Variants in RBFOX1 observed in about 807,000 individuals in gnomAD.
The protein encoded by RBFOX1 is RNA binding protein fox-1 homolog 1.
In RBFOX1, 8 loss-of-function variants were observed where a neutral mutation model predicts 57.7. The observed-to-expected ratio is 0.14, with a 90% CI of 0.08 to 0.25. The LOEUF (loss-of-function observed/expected upper bound fraction) is 0.25. Ranked by LOEUF, RBFOX1 falls within the 10% of genes least tolerant of loss-of-function variation. RBFOX1 has a pLI of 1.00. For synonymous variants in RBFOX1, 326 were observed against 222.4 expected (o/e 1.47, Z -4.15); for missense variants, 611 against 548.5 (o/e 1.11, Z -1.14).
intron 4 of RBFOX1, among the ~76,000 whole-genome samples, chr16:7,228,987 G>C (rs1348134105): frequency 1.3e-5 from 2 of 152,126 alleles, no homozygotes; most frequent in African/African-American, 4.8e-5. Flanking sequence ...GGGAAGATGA[G>C]CTGGAAGGAT....
intron 1 of RBFOX1, among the ~76,000 whole-genome samples, chr16:6,028,091 C>A (rs1178236226): frequency 2.0e-5 from 3 of 152,152 alleles, no homozygotes; most frequent in Non-Finnish European, 4.4e-5. Flanking sequence ...GGACCAGCCC[C>A]CTGTCTTGAT....
rs531461944 is a variant in RBFOX1 at position 5,247,983 on chromosome 16, G to A, written c.219+7878G>A. On this transcript the variant is annotated intron_variant, in intron 1 of 2. Coordinates refer to the RBFOX1 transcript ENST00000585867. ...TGGGCACTGGGCTAGGGTGCTTTTC[G>A]ATTTTTGTATGGGGAAGAGAAAGGA... Among the ~76,000 whole-genome samples the A allele has an allele frequency of 5.3e-5, 8 of 152,244 alleles. No homozygotes were observed. The South Asian group carries it at 1.7e-3, about 32-fold the overall frequency.
intron 3 of RBFOX1, among the ~76,000 whole-genome samples, chr16:6,794,405 T>C (rs1309557182): frequency 2.0e-5 from 3 of 152,020 alleles, no homozygotes; most frequent in Non-Finnish European, 2.9e-5. Context: ...TGGGGTTTAA[T>C]TACCTGCTGC....
chr16:6,999,225 A>ATTTTTTTTTT lies in RBFOX1; in HGVS notation c.-15-52829_-15-52828insTTTTTTTTTT, dbSNP rs200620958. Among the ~76,000 whole-genome samples the ATTTTTTTTTT allele has an allele frequency of 1.3e-3, 164 of 122,934 alleles. 4 individuals carry two copies. Among genetic ancestry groups the ATTTTTTTTTT allele is most frequent in the South Asian group, 5.2e-3 (19 of 3,680 alleles). The allele number at this position is 122,934 out of a possible 152,430, so 80.6% of individuals were successfully genotyped here. A position where few individuals can be genotyped will look rare whatever the true frequency, so the allele number is the denominator to read the frequency against. ...TTTTTTATTTTTATTTATTTTTTTT[A>ATTTTTTTTTT]TTTATTTTTTTTTTTAGAGATCAGG... On this transcript the variant is annotated intron_variant, in intron 3 of 15. Coordinates refer to ENST00000550418, the MANE Select transcript of RBFOX1 (RefSeq NM_018723.4).
intron 4 of RBFOX1, among the ~76,000 whole-genome samples, chr16:7,224,560 C>A (rs1036311724): frequency 6.6e-6 from 1 of 152,082 alleles, no homozygotes; most frequent in Admixed American, 6.6e-5. Flanking sequence ...GAGGTTTGAG[C>A]ATCAGGATTT....
chr16:6,815,176 T>G lies in RBFOX1; in HGVS notation c.-16+160526T>G, dbSNP rs147713922. Reference sequence around the variant, plus strand: ...ACTGTCATGGCGCTGGTGAGAGTGCTGTTGAGCATGCAAGTGCTTTATAAT... The same window carrying G: ...ACTGTCATGGCGCTGGTGAGAGTGCGGTTGAGCATGCAAGTGCTTTATAAT... On this transcript the variant is annotated intron_variant, in intron 3 of 15. Coordinates refer to ENST00000550418, the MANE Select transcript of RBFOX1 (RefSeq NM_018723.4). 4.6e-3 allele frequency among the ~76,000 whole-genome samples: 699 copies of G among 152,286 alleles called. 5 individuals are homozygous for G. Among genetic ancestry groups the G allele is most frequent in the African/African-American group, 0.016 (655 of 41,554 alleles).
chr16:5,374,269 C>CAAGAAT (rs1178328636), intron 1 of RBFOX1, among the ~76,000 whole-genome samples: 1 of 152,104 alleles, frequency 6.6e-6, no homozygotes, highest in Non-Finnish European at 1.5e-5. Context: ...TATAGCAATG[C>CAAGAAT]AAGAATGAAC....
intron 3 of RBFOX1, among the ~76,000 whole-genome samples, chr16:5,734,650 T>G (rs2052506692): frequency 6.6e-6 from 1 of 152,204 alleles, no homozygotes; most frequent in African/African-American, 2.4e-5. Flanking sequence ...TGCACCTGCC[T>G]GTCGCCTTCC....
rs377067097 is a variant in RBFOX1 at position 6,483,022 on chromosome 16, G to A, written c.-64+165965G>A. Among the ~76,000 whole-genome samples, 22 of 152,366 alleles carry A rather than the reference G, an allele frequency of 1.4e-4. No homozygotes were observed. In the East Asian group the frequency reaches 4.1e-3, roughly 28 times the overall value. On this transcript the variant is annotated intron_variant, in intron 2 of 15. Transcript: ENST00000550418. ...TGAAAGAACAAGGGAAGGGACACGTGCGGGCGAGAGAGGGCGAGCGGCGAG... is the reference window on the plus strand; with the variant it reads ...TGAAAGAACAAGGGAAGGGACACGTACGGGCGAGAGAGGGCGAGCGGCGAG...
chr16:5,832,519 A>C (rs192179360), intron 3 of RBFOX1, among the ~76,000 whole-genome samples: 2 of 152,362 alleles, frequency 1.3e-5, no homozygotes, highest in East Asian at 3.9e-4. Flanking sequence ...TATTTTATGC[A>C]TGAAATGCTT....
intron 1 of RBFOX1, among the ~76,000 whole-genome samples, chr16:6,242,730 T>A (rs2097546656): frequency 6.6e-6 from 1 of 151,868 alleles, no homozygotes; most frequent in African/African-American, 2.4e-5. Flanking sequence ...TTTTATAGCC[T>A]GTGAAACTAG....
chr16:6,641,608 G>A (rs1051521133), intron 2 of RBFOX1, among the ~76,000 whole-genome samples: 1 of 151,842 alleles, frequency 6.6e-6, no homozygotes. Context: ...GATGGTGGGT[G>A]CCTGTAATCC....
At chr16:5,868,868 C>T (rs2057401329) in intron 4 of RBFOX1, among the ~76,000 whole-genome samples, 2 of 152,318 alleles carry the variant, frequency 1.3e-5, no homozygotes, top group Middle Eastern at 6.8e-3. Context: ...GCAGTGTTTC[C>T]TCTGGTGGTT....
intron 2 of RBFOX1, among the ~76,000 whole-genome samples, chr16:5,595,100 C>G (rs2047139613): frequency 6.6e-6 from 1 of 152,040 alleles, no homozygotes; most frequent in East Asian, 1.9e-4. Context: ...GAGTCAAGAT[C>G]CTGCCACTGC....
chr16:6,902,452 A>G lies in RBFOX1; in HGVS notation c.-15-149605A>G, dbSNP rs554849688. On this transcript the variant is annotated intron_variant, in intron 3 of 15. Coordinates refer to ENST00000550418, the MANE Select transcript of RBFOX1 (RefSeq NM_018723.4). ...AGGAAAAGGTGGTTTTGCCAGGTGC[A>G]AAACCATGCTTGTAATCCTAGCACT... 8.5e-5 allele frequency among the ~76,000 whole-genome samples: 13 copies of G among 152,318 alleles called. No homozygotes were observed. In the South Asian group the frequency reaches 2.7e-3, roughly 32 times the overall value.
At chr16:6,977,011 C>G (rs1237150970) in intron 3 of RBFOX1, among the ~76,000 whole-genome samples, 2 of 142,108 alleles carry the variant, frequency 1.4e-5, no homozygotes, top group Non-Finnish European at 3.0e-5. Context: ...TATTGTATAT[C>G]ATATGTATCA....
At chr16:5,843,815 G>A (rs376210262) in intron 3 of RBFOX1, among the ~76,000 whole-genome samples, 9 of 152,308 alleles carry the variant, frequency 5.9e-5, no homozygotes, top group African/African-American at 2.2e-4. Context: ...TTTCCACTCT[G>A]CCACGTTGCT....
intron 2 of RBFOX1, among the ~76,000 whole-genome samples, chr16:6,432,803 C>G (rs1323795122): frequency 1.3e-5 from 2 of 151,912 alleles, no homozygotes; most frequent in Non-Finnish European, 2.9e-5. Context: ...TGTGGTGAAA[C>G]CCCATCTCTA....
In RBFOX1 at chr16:6,231,233, TGTGTAG is replaced by T. The variant is rs1567730139; in HGVS notation, c.-126-85757_-126-85752del. Among the ~76,000 whole-genome samples the T allele has an allele frequency of 5.7e-5, 5 of 87,834 alleles. No individual in the cohort carries two copies. The Admixed American group carries it at 7.2e-4, about 13-fold the overall frequency. The allele number at this position is 87,834 out of a possible 152,430, so 57.6% of individuals were successfully genotyped here. A position where few individuals can be genotyped will look rare whatever the true frequency, so the allele number is the denominator to read the frequency against. On this transcript the variant is annotated intron_variant, in intron 1 of 15. Coordinates refer to ENST00000550418, the MANE Select transcript of RBFOX1 (RefSeq NM_018723.4). ...GTATGTGTTTGTGTGTGTGTGTGTGTGTGTAGGTGTGTGTGTGTGTGTGTGTTCCTT... is the reference window on the plus strand; with the variant it reads ...GTATGTGTTTGTGTGTGTGTGTGTGTGTGTGTGTGTGTGTGTGTGTTCCTT...
Sources: gnomAD v4.1 joint callset for allele counts (sites outside exome capture counted in the v4.1 genomes callset) on GRCh38, gnomAD v4.1.1 for gene constraint, MANE v1.5 for transcripts, NCBI Gene and HGNC (gene_info 2026-07-23, HGNC 2026-07-21) for gene names.